OTOGL: variants seen among roughly 807,000 people sequenced by gnomAD.
OTOGL encodes otogelin-like protein.
Under a neutral mutation model 318.5 loss-of-function variants are expected in OTOGL, and 285 were observed. The observed-to-expected ratio is 0.89, with a 90% CI of 0.81 to 0.99. OTOGL has a LOEUF of 0.99. Ranked by LOEUF, OTOGL falls within the 50% of genes least tolerant of loss-of-function variation. The pLI, the probability that OTOGL is intolerant of heterozygous loss-of-function variation, is 0.00. For synonymous variants in OTOGL, 987 were observed against 936.5 expected, an observed-to-expected ratio of 1.05 and a Z score of -0.99; for missense variants, 2,899 against 2,845.6, an observed-to-expected ratio of 1.02 and a Z score of -0.43.
chr12:80,134,368 C>A (rs539698340), intron 1 of OTOGL, among the ~76,000 whole-genome samples: 1 of 152,318 alleles, frequency 6.6e-6, no homozygotes, highest in East Asian at 1.9e-4. Context: ...ATGAGGCTTT[C>A]CTTTTCTTAT....
Position 80,328,737 on chromosome 12 carries a change from A to G in OTOGL, c.4272A>G (p.Pro1424=), listed in dbSNP as rs371330190. The change falls in exon 36 of 59, where the codon CCA becomes CCG. Residue 1424 remains proline (P), a synonymous_variant. Transcript: ENST00000547103. The part of the protein sequence containing the change: ...LDEVTLKCVY[P]RDCIPVIPTE... The stretch of plus-strand genomic sequence containing the variant: ...AGGTCACCCTCAAGTGTGTTTATCC[A>G]CGAGACTGTAAGTGTGAACGTTGCT... 3.8e-6 allele frequency: 6 copies of G among 1,594,492 alleles called. No individual in the cohort carries two copies. In the African/African-American group the frequency reaches 8.1e-5, roughly 21 times the overall value.
intron 1 of OTOGL, among the ~76,000 whole-genome samples, chr12:80,177,199 C>CA (rs1407702266): frequency 3.3e-5 from 5 of 151,900 alleles, no homozygotes; most frequent in Admixed American, 2.0e-4. Flanking sequence ...GAAATCTTTG[C>CA]AAAAACCAAG....
In OTOGL at chr12:80,343,526, T is replaced by TTTTTTTTTTTTTTTTTTTTTTTTTTTTTC. The variant is rs1555301044; in HGVS notation, c.5265+1374_5265+1375insTTTTTTTTTTTTTTTTTTCTTTTTTTTTT. 27 of 118,154 alleles carry TTTTTTTTTTTTTTTTTTTTTTTTTTTTTC rather than the reference T, an allele frequency of 2.3e-4. 2 individuals carry two copies. Among genetic ancestry groups the TTTTTTTTTTTTTTTTTTTTTTTTTTTTTC allele is most frequent in the African/African-American group, 1.2e-3 (26 of 21,824 alleles). The allele number at this position is 118,154 out of a possible 1,614,324, so 7.3% of individuals were successfully genotyped here. A position where few individuals can be genotyped will look rare whatever the true frequency, so the allele number is the denominator to read the frequency against. On this transcript the variant is annotated intron_variant, in intron 44 of 58. Coordinates refer to ENST00000547103, the MANE Select transcript of OTOGL (RefSeq NM_001378609.3). ...TTATTCTTGTTTTTTTTTTTTTTTT[T>TTTTTTTTTTTTTTTTTTTTTTTTTTTTTC]TTTTTTTTTTAACTTTCTTTTCCTG... is the stretch of plus-strand genomic sequence containing the variant.
chr12:80,219,695 C>T, intron 5 of OTOGL, 119 bp from the exon 6 acceptor site: 2 of 703,048 alleles, frequency 2.8e-6, no homozygotes, highest in Non-Finnish European at 4.9e-6. Context: ...AGGCAAGAGG[C>T]TGAGAGTTCT....
chr12:80,271,555 T>C, intron 23 of OTOGL, 93 bp from the exon 24 acceptor site: 1 of 1,253,694 alleles, frequency 8.0e-7, no homozygotes, highest in East Asian at 2.6e-5. Context: ...TCAAAATAGG[T>C]TTAGAATAAA....
chr12:80,372,129 G>T, intron 57 of OTOGL, 65 bp downstream of exon 57: 1 of 1,134,516 alleles, frequency 8.8e-7, no homozygotes. Flanking sequence ...TAGTGATTAT[G>T]GTTTTTCTCA....
intron 24 of OTOGL, among the ~76,000 whole-genome samples, chr12:80,277,189 A>G (rs1004765937): frequency 6.8e-6 from 1 of 147,040 alleles, no homozygotes; most frequent in African/African-American, 2.5e-5. Context: ...ATGACAACTA[A>G]TTTTCAAATT....
intron 1 of OTOGL, among the ~76,000 whole-genome samples, chr12:80,135,576 C>G (rs184388457): frequency 2.0e-5 from 3 of 152,078 alleles, no homozygotes; most frequent in East Asian, 3.9e-4. Context: ...CCTGGCCTAT[C>G]GAATACTTTC....
chr12:80,229,331 A>G lies in OTOGL; in HGVS notation c.564A>G (p.Gln188=). Residue 188 remains glutamine, a synonymous_variant, in exon 8 of 59, where the codon CAA becomes CAG. Transcript: ENST00000547103. ...YRSISLFFSN[Q]EEIRIYGHEI... is the part of the protein sequence containing the mutation. ...CAATCAGCTTGTTCTTTTCAAACCA[A>G]GAGGAAATTCGAATTTATGGTCATG... The G allele has an allele frequency of 6.3e-7, 1 of 1,596,476 alleles. No homozygotes were observed. The highest frequency in any genetic ancestry group is 8.5e-7 in the Non-Finnish European group (1 of 1,177,102).
At chr12:80,350,722 A>C (rs1889489827) in intron 44 of OTOGL, among the ~76,000 whole-genome samples, 1 of 152,168 alleles carries the variant, frequency 6.6e-6, no homozygotes, top group African/African-American at 2.4e-5. Flanking sequence ...GTATCTATTC[A>C]GTTCCTTTGA....
At chr12:80,134,624 A>C (rs995966865) in intron 1 of OTOGL, among the ~76,000 whole-genome samples, 34 of 152,164 alleles carry the variant, frequency 2.2e-4, no homozygotes, top group Admixed American at 2.2e-3. Context: ...TAAGACTCCT[A>C]TTCCCTGGGT....
intron 7 of OTOGL, among the ~76,000 whole-genome samples, chr12:80,227,445 G>A (rs541823894): frequency 5.3e-4 from 81 of 151,790 alleles, no homozygotes; most frequent in Admixed American, 1.4e-3. Flanking sequence ...CTTTCATGTC[G>A]CAGACTTTCA....
At chr12:80,320,384 C>T (rs1364041522) in intron 33 of OTOGL, 38 bp from the exon 34 acceptor site, 2 of 1,546,042 alleles carry the variant, frequency 1.3e-6, no homozygotes, top group Non-Finnish European at 1.8e-6. Context: ...TGATGATCTT[C>T]CTTCTCCTGA....
chr12:80,279,107 T>C lies in OTOGL; in HGVS notation c.2869T>C (p.Tyr957His). 6.3e-7 allele frequency: 1 copy of C among 1,594,972 alleles called. No individual in the cohort carries two copies. Among genetic ancestry groups the C allele is most frequent in the Non-Finnish European group, 8.5e-7 (1 of 1,176,418 alleles). ...CACAATATACGGGGACCGACATTAT[T>C]ATTCTTTTGATGGACTAGAATATGA... Reference protein sequence around the residue: ...VCTIYGDRHYYSFDGLEYDYI... With the variant: ...VCTIYGDRHYHSFDGLEYDYI... The change falls in exon 26 of 59, where the codon TAT becomes CAT. Residue 957 changes from tyrosine to histidine, a missense_variant. This residue lies in a region of OTOGL where 2,607 missense variants were observed against 2,524.9 expected (regional missense o/e 1.03). Coordinates refer to ENST00000547103, the MANE Select transcript of OTOGL (RefSeq NM_001378609.3).
At chr12:80,367,500 C>T (rs1045378343) in intron 53 of OTOGL, 61 bp from the exon 54 acceptor site, 10 of 1,252,472 alleles carry the variant, frequency 8.0e-6, no homozygotes, top group African/African-American at 1.6e-5. Flanking sequence ...TAAGTTCCAA[C>T]GATGGATTAG....
At chr12:80,320,886 A>T (rs1169737975) in intron 34 of OTOGL, among the ~76,000 whole-genome samples, 186 bp downstream of exon 34, 1 of 152,070 alleles carries the variant, frequency 6.6e-6, no homozygotes, top group South Asian at 2.1e-4. Context: ...AAATAATAAT[A>T]TGTACTTTAT....
At chr12:80,279,579 A>G (rs188253939) in intron 26 of OTOGL, among the ~76,000 whole-genome samples, 22 of 151,808 alleles carry the variant, frequency 1.4e-4, no homozygotes, top group South Asian at 4.1e-4. Context: ...TAATTCACTT[A>G]TGATAATGGT....
intron 33 of OTOGL, 43 bp from the exon 34 acceptor site, chr12:80,320,379 A>T: frequency 6.5e-7 from 1 of 1,527,664 alleles, no homozygotes; most frequent in Non-Finnish European, 8.9e-7. Flanking sequence ...AATGTTGATG[A>T]TCTTCCTTCT....
chr12:80,154,991 G>T (rs1026334737), intron 1 of OTOGL, among the ~76,000 whole-genome samples: 6 of 152,254 alleles, frequency 3.9e-5, no homozygotes, highest in African/African-American at 1.4e-4. Context: ...ATATGTAGTG[G>T]TATCACATTA....
Sources: allele counts gnomAD v4.1 joint callset (sites outside exome capture counted in the v4.1 genomes callset), GRCh38; gene constraint gnomAD v4.1.1; regional missense constraint gnomAD v4.1.1; transcripts MANE v1.5; gene names NCBI Gene and HGNC (gene_info 2026-07-23, HGNC 2026-07-21).